Variants in ASIC2 observed in about 807,000 individuals in gnomAD.
ASIC2 encodes the protein acid-sensing ion channel 2.
Under a neutral mutation model 57.3 loss-of-function variants are expected in ASIC2, and 25 were observed. That is an observed-to-expected ratio of 0.44 (90% CI 0.32 to 0.61). The LOEUF is 0.61. Among genes scored for constraint, ASIC2 ranks in the 20% least tolerant of loss-of-function variants. ASIC2 has a pLI of 0.06. For missense variants in ASIC2, 641 were observed against 738.1 expected, an observed-to-expected ratio of 0.87 and a Z score of 1.52; for synonymous variants, 319 against 307.5, an observed-to-expected ratio of 1.04 and a Z score of -0.39.
intron 1 of ASIC2, among the ~76,000 whole-genome samples, chr17:33,378,967 C>T (rs1995526): frequency 0.22 from 33,476 of 152,168 alleles, 3,997 homozygotes; most frequent in Non-Finnish European, 0.27. Context: ...TTCCCAACTA[C>T]TTTCCAGGGT....
In ASIC2 at chr17:34,126,790, T is replaced by C. The variant is rs146693501; in HGVS notation, c.555+29188A>G. ...GCACATGAGTCACCTGGGGACCTTGTTAAGCTGCAGATTCCGTTTCTGCAG... is the reference window on the plus strand; with the variant it reads ...GCACATGAGTCACCTGGGGACCTTGCTAAGCTGCAGATTCCGTTTCTGCAG... On this transcript the variant is annotated intron_variant, in intron 1 of 9. Coordinates refer to the ASIC2 transcript ENST00000359872. 2.3e-3 allele frequency among the ~76,000 whole-genome samples: 345 copies of C among 152,308 alleles called. 2 individuals carry two copies. Among genetic ancestry groups the C allele is most frequent in the African/African-American group, 7.9e-3 (330 of 41,572 alleles).
chr17:33,450,868 G>GATGTAT, intron 1 of ASIC2, among the ~76,000 whole-genome samples: 1 of 152,316 alleles, frequency 6.6e-6, no homozygotes, highest in East Asian at 1.9e-4. Flanking sequence ...TCTGTATGCA[G>GATGTAT]ATGTATATGT....
intron 1 of ASIC2, among the ~76,000 whole-genome samples, chr17:33,520,149 G>A (rs1472038700): frequency 6.6e-6 from 1 of 152,186 alleles, no homozygotes; most frequent in African/African-American, 2.4e-5. Context: ...CTCTTTGGCT[G>A]TTAGATTTGG....
chr17:33,120,986 T>C (rs555714190), intron 1 of ASIC2, among the ~76,000 whole-genome samples: 1 of 152,358 alleles, frequency 6.6e-6, no homozygotes, highest in South Asian at 2.1e-4. Context: ...TTTTGGTTCT[T>C]GAACGTGCAT....
intron 1 of ASIC2, among the ~76,000 whole-genome samples, chr17:33,332,950 T>A (rs1311017830): frequency 6.6e-6 from 1 of 152,196 alleles, no homozygotes; most frequent in African/African-American, 2.4e-5. Flanking sequence ...TATAGCAGCA[T>A]GCCTAGGAGA....
chr17:33,166,575 G>A (rs1350621252), intron 1 of ASIC2, among the ~76,000 whole-genome samples: 1 of 152,148 alleles, frequency 6.6e-6, no homozygotes, highest in Admixed American at 6.5e-5. Context: ...GTCCTAGCAT[G>A]CCTCATACCA....
intron 1 of ASIC2, among the ~76,000 whole-genome samples, chr17:34,136,712 C>A (rs542604715): frequency 6.6e-6 from 1 of 152,234 alleles, no homozygotes; most frequent in Non-Finnish European, 1.5e-5. Context: ...AGTACCTCAA[C>A]CACCTTGGGT....
chr17:33,665,443 G>A (rs1907440424), intron 1 of ASIC2, among the ~76,000 whole-genome samples: 1 of 152,116 alleles, frequency 6.6e-6, no homozygotes. Context: ...CCCATGTCGA[G>A]GGTTGGCATT....
intron 1 of ASIC2, among the ~76,000 whole-genome samples, chr17:33,592,592 A>G (rs573570559): frequency 6.6e-6 from 1 of 152,228 alleles, no homozygotes; most frequent in African/African-American, 2.4e-5. Flanking sequence ...CTTCTCCAAC[A>G]ATCTTGGAAG....
At chr17:33,899,271 C>T (rs1915180163) in intron 1 of ASIC2, among the ~76,000 whole-genome samples, 1 of 152,178 alleles carries the variant, frequency 6.6e-6, no homozygotes, top group African/African-American at 2.4e-5. Context: ...GCTGCCAGGG[C>T]CAGCTGTCAG....
intron 1 of ASIC2, among the ~76,000 whole-genome samples, chr17:33,519,071 C>T (rs8076222): frequency 0.2 from 30,831 of 151,658 alleles, 3,213 homozygotes; most frequent in East Asian, 0.28. Flanking sequence ...CCGCCCGCCT[C>T]GGCCTCCCAA....
intron 1 of ASIC2, among the ~76,000 whole-genome samples, chr17:33,928,033 A>T (rs572839716): frequency 6.6e-6 from 1 of 152,326 alleles, no homozygotes; most frequent in East Asian, 1.9e-4. Flanking sequence ...CAGCAGGCAA[A>T]CAGTAGGAGG....
Position 33,940,038 on chromosome 17 carries a change from G to A in ASIC2, c.555+215940C>T, listed in dbSNP as rs115870636. The stretch of plus-strand genomic sequence containing the variant: ...AGGAGGAGAAAAGGGCCTACCCTGC[G>A]TACTCATGCATCCTCTCCTTTAATT... On this transcript the variant is annotated intron_variant, in intron 1 of 9. Coordinates refer to the ASIC2 transcript ENST00000359872. Among the ~76,000 whole-genome samples, 1,074 of 152,280 alleles carry A rather than the reference G, an allele frequency of 7.1e-3. 15 individuals are homozygous for A. Among genetic ancestry groups the A allele is most frequent in the African/African-American group, 0.025 (1,025 of 41,544 alleles).
intron 1 of ASIC2, chr17:33,794,439 C>T (rs1911857366): frequency 6.6e-6 from 1 of 152,220 alleles, no homozygotes; most frequent in African/African-American, 2.4e-5. Context: ...CAGAGAGGGC[C>T]TGGGAACCAT....
At position 33,772,946 on chromosome 17, in the gene ASIC2, T is replaced by G. The variant is rs1424834368; in HGVS notation, c.555+383032A>C. Among the ~76,000 whole-genome samples, 3 of 152,224 alleles carry G rather than the reference T, an allele frequency of 2.0e-5. No homozygotes were observed. The East Asian group carries it at 5.8e-4, about 29-fold the overall frequency. On this transcript the variant is annotated intron_variant, in intron 1 of 9. Transcript: ENST00000359872. Reference sequence around the variant, plus strand: ...GGGGCGGATTAAAAGCTATAAGGCATGGAAAAGTGTTTAGCGTGGTACCTG... The same window carrying G: ...GGGGCGGATTAAAAGCTATAAGGCAGGGAAAAGTGTTTAGCGTGGTACCTG...
intron 1 of ASIC2, chr17:34,005,481 G>GGCCAATCCTAAAGATACAA (rs1305368259): frequency 1.3e-4 from 18 of 135,104 alleles, no homozygotes; most frequent in African/African-American, 6.3e-4. Context: ...TTAGGATAGT[G>GGCCAATCCTAAAGATACAA]TTGAGTCTCC....
intron 1 of ASIC2, among the ~76,000 whole-genome samples, chr17:33,471,329 G>A (rs1395257181): frequency 6.6e-6 from 1 of 152,072 alleles, no homozygotes; most frequent in Non-Finnish European, 1.5e-5. Context: ...GAATGGGTTA[G>A]CTGTCGACTG....
intron 1 of ASIC2, among the ~76,000 whole-genome samples, chr17:33,750,888 T>C (rs1003596605): frequency 2.0e-5 from 3 of 152,152 alleles, no homozygotes; most frequent in Non-Finnish European, 4.4e-5. Flanking sequence ...ATCCATCCAG[T>C]TTCCTGGGGA....
At chr17:33,513,743 G>A (rs1309552254) in intron 1 of ASIC2, among the ~76,000 whole-genome samples, 1 of 152,222 alleles carries the variant, frequency 6.6e-6, no homozygotes, top group Non-Finnish European at 1.5e-5. Flanking sequence ...CAAGGGGACT[G>A]CTTCCTGCTC....
Sources: allele counts gnomAD v4.1 joint callset (sites outside exome capture counted in the v4.1 genomes callset), GRCh38; gene constraint gnomAD v4.1.1; transcripts MANE v1.5; gene names NCBI Gene and HGNC (gene_info 2026-07-23, HGNC 2026-07-21).